The following SGCD variants were observed in gnomAD, a reference collection of about 807,000 sequenced individuals.
The protein encoded by SGCD is sarcoglycan delta.
SGCD carries 18 observed loss-of-function variants against 36.6 expected under a neutral mutation model. The ratio of observed to expected loss-of-function variants is 0.49; its 90% CI spans 0.34 to 0.73. The LOEUF (loss-of-function observed/expected upper bound fraction) is 0.73, where lower values mean the gene tolerates loss of function less well. SGCD is among the 30% of genes least tolerant of loss of function. The pLI, the probability that SGCD is intolerant of heterozygous loss-of-function variation, is 0.01. For synonymous variants in SGCD, 133 were observed against 130.6 expected, an observed-to-expected ratio of 1.02 and a Z score of -0.12; for missense variants, 387 against 346.7, an observed-to-expected ratio of 1.12 and a Z score of -0.92.
intron 3 of SGCD, among the ~76,000 whole-genome samples, chr5:156,294,551 G>T (rs1766845714): frequency 6.6e-6 from 1 of 152,134 alleles, no homozygotes; most frequent in Non-Finnish European, 1.5e-5. Context: ...AAGTCTTCTT[G>T]CCTTGATTCT....
At chr5:156,014,318 A>G (rs1183954270) in intron 1 of SGCD, among the ~76,000 whole-genome samples, 1 of 152,106 alleles carries the variant, frequency 6.6e-6, no homozygotes, top group Non-Finnish European at 1.5e-5. Flanking sequence ...TTTATTTTGA[A>G]ATAATTTTAA....
intron 7 of SGCD, chr5:156,704,338 C>G (rs1383298038): frequency 6.6e-6 from 1 of 152,150 alleles, no homozygotes; most frequent in East Asian, 1.9e-4. Flanking sequence ...GTCCCAGTCA[C>G]GTGACTTGGA....
intron 3 of SGCD, among the ~76,000 whole-genome samples, chr5:156,144,812 A>G (rs575355814): frequency 4.6e-5 from 7 of 152,216 alleles, no homozygotes; most frequent in South Asian, 2.1e-4. Flanking sequence ...GAATGGGAGT[A>G]TTTACCCAAT....
At chr5:155,920,979 A>C (rs767130727) in intron 1 of SGCD, among the ~76,000 whole-genome samples, 1 of 152,128 alleles carries the variant, frequency 6.6e-6, no homozygotes, top group African/African-American at 2.4e-5. Context: ...TGTAGGAGAT[A>C]ATTGAAGCAA....
intron 3 of SGCD, among the ~76,000 whole-genome samples, chr5:156,360,715 C>T (rs564869036): frequency 6.6e-6 from 1 of 152,142 alleles, no homozygotes; most frequent in South Asian, 2.1e-4. Flanking sequence ...AAGAGATGGC[C>T]AGACTGTGAA....
At chr5:156,403,373 C>A (rs1383906978) in intron 3 of SGCD, among the ~76,000 whole-genome samples, 2 of 152,180 alleles carry the variant, frequency 1.3e-5, no homozygotes, top group African/African-American at 2.4e-5. Flanking sequence ...TAAGGTTGAG[C>A]AAAGGCCTTG....
chr5:156,721,178 GT>G (rs1453957664), intron 7 of SGCD, among the ~76,000 whole-genome samples: 1 of 152,160 alleles, frequency 6.6e-6, no homozygotes, highest in African/African-American at 2.4e-5. Context: ...CATGTGTTAA[GT>G]TTGAGATGTT....
chr5:155,832,049 T>C, the SGCD span, among the ~76,000 whole-genome samples: 1 of 152,230 alleles, frequency 6.6e-6, no homozygotes, highest in African/African-American at 2.4e-5. Context: ...GTGGGTATTC[T>C]AGCTCAATGC....
intron 3 of SGCD, among the ~76,000 whole-genome samples, chr5:156,260,083 T>C (rs1765818065): frequency 6.6e-6 from 1 of 152,200 alleles, no homozygotes; most frequent in Admixed American, 6.6e-5. Flanking sequence ...TCTATTTCTA[T>C]TGGTTACCTG....
chr5:156,651,216 G>A (rs1053443291), intron 7 of SGCD, among the ~76,000 whole-genome samples: 2 of 151,974 alleles, frequency 1.3e-5, no homozygotes, highest in Admixed American at 1.3e-4. Flanking sequence ...CCTTTGTTGG[G>A]TGCATAGTTT....
At chr5:156,268,430 CAGTGTATAAGTGACCAAT>C (rs1766058807) in intron 3 of SGCD, among the ~76,000 whole-genome samples, 1 of 152,192 alleles carries the variant, frequency 6.6e-6, no homozygotes. Context: ...CTCCCACCAA[CAGTGTATAAGTGACCAAT>C]AGTGTATAAG....
At chr5:155,840,987 C>A in the SGCD span, among the ~76,000 whole-genome samples, 1 of 117,608 alleles carries the variant, frequency 8.5e-6, no homozygotes, top group Non-Finnish European at 1.6e-5. Context: ...CTCCAGTCTG[C>A]GTGACAGAGC....
At chr5:155,906,222 T>C (rs1326397237) in intron 1 of SGCD, among the ~76,000 whole-genome samples, 1 of 152,110 alleles carries the variant, frequency 6.6e-6, no homozygotes, top group African/African-American at 2.4e-5. Context: ...TTGTATGTGT[T>C]CTGACTGCTC....
At chr5:156,522,944 G>A (rs1757476772) in intron 4 of SGCD, among the ~76,000 whole-genome samples, 1 of 152,084 alleles carries the variant, frequency 6.6e-6, no homozygotes, top group Non-Finnish European at 1.5e-5. Flanking sequence ...AGCATGAATT[G>A]TTATTTTTGA....
intron 1 of SGCD, among the ~76,000 whole-genome samples, chr5:155,927,723 C>T (rs866393877): frequency 2.6e-5 from 4 of 152,024 alleles, no homozygotes; most frequent in South Asian, 4.1e-4. Flanking sequence ...TAAATAAAAC[C>T]ATGAAGTGGC....
chr5:155,813,528 A>G, the SGCD span, among the ~76,000 whole-genome samples: 4 of 152,228 alleles, frequency 2.6e-5, no homozygotes, highest in African/African-American at 9.6e-5. Context: ...AAATATGATC[A>G]CTGAGAAGTG....
intron 4 of SGCD, among the ~76,000 whole-genome samples, chr5:156,571,526 TC>T (rs994312346): frequency 6.6e-6 from 1 of 152,102 alleles, no homozygotes; most frequent in Admixed American, 6.6e-5. Flanking sequence ...TTCCTCTCTC[TC>T]CCCCTGAATG....
intron 7 of SGCD, among the ~76,000 whole-genome samples, chr5:156,685,755 T>C (rs157671): frequency 6.6e-6 from 1 of 152,188 alleles, no homozygotes; most frequent in Non-Finnish European, 1.5e-5. Context: ...ACTTAACAAA[T>C]GTTTAGTGAA....
At chr5:156,605,328 G>A (rs951004978) in intron 6 of SGCD, among the ~76,000 whole-genome samples, 8 of 151,966 alleles carry the variant, frequency 5.3e-5, no homozygotes, top group Middle Eastern at 3.2e-3. Context: ...GCAATAGTTT[G>A]CTGAGAATGA....
Sources: gnomAD v4.1 joint callset for allele counts (sites outside exome capture counted in the v4.1 genomes callset) on GRCh38, gnomAD v4.1.1 for gene constraint, MANE v1.5 for transcripts, NCBI Gene and HGNC (gene_info 2026-07-23, HGNC 2026-07-21) for gene names.